RALY: variants seen among roughly 807,000 people sequenced by gnomAD.
The protein encoded by RALY is RNA-binding protein Raly.
Under a neutral mutation model 30.7 loss-of-function variants are expected in RALY, and 15 were observed. That is an observed-to-expected ratio of 0.49 (90% CI 0.33 to 0.75). The LOEUF (loss-of-function observed/expected upper bound fraction) is 0.75, where lower values mean the gene tolerates loss of function less well. Among genes scored for constraint, RALY ranks in the 30% least tolerant of loss-of-function variants. The pLI is 0.02. For missense variants in RALY, 339 were observed against 414.3 expected (o/e 0.82, Z 1.58); for synonymous variants, 177 against 170.8 (o/e 1.04, Z -0.28).
chr20:34,027,127 C>T (rs947912695), intron 1 of RALY, among the ~76,000 whole-genome samples: 1 of 152,100 alleles, frequency 6.6e-6, no homozygotes, highest in South Asian at 2.1e-4. Context: ...CCACATCCCC[C>T]GTTCAATGAT....
At position 34,041,881 on chromosome 20, in the gene RALY, G is replaced by A. The variant is rs2284383; in HGVS notation, c.-10+10277G>A. Among the ~76,000 whole-genome samples, 207 of 152,214 alleles carry A rather than the reference G, an allele frequency of 1.4e-3. 3 individuals carry two copies. In the East Asian group the frequency reaches 0.037, roughly 27 times the overall value. ...AGCACTTTGGGAGGCTGAGGCGGGTGGATCATTTGAGGTGAGGAGTTTGAG... is the reference window on the plus strand; with the variant it reads ...AGCACTTTGGGAGGCTGAGGCGGGTAGATCATTTGAGGTGAGGAGTTTGAG... On this transcript the variant is annotated intron_variant, in intron 2 of 9. Coordinates refer to ENST00000246194, the MANE Select transcript of RALY (RefSeq NM_016732.3).
At position 34,041,695 on chromosome 20, in the gene RALY, C is replaced by T. The variant is rs117152466; in HGVS notation, c.-10+10091C>T. ...GATATTTTTTGTTTCTGTATTTTCC[C>T]CAGGATCAATTGCCATAAAATCATG... On this transcript the variant is annotated intron_variant, in intron 2 of 9. Coordinates refer to ENST00000246194, the MANE Select transcript of RALY (RefSeq NM_016732.3). Among the ~76,000 whole-genome samples, 233 of 152,182 alleles carry T rather than the reference C, an allele frequency of 1.5e-3. 1 individual carries two copies. Among genetic ancestry groups the T allele is most frequent in the Middle Eastern group, 3.4e-3 (1 of 294 alleles).
chr20:34,055,185 A>C (rs1318039099), intron 2 of RALY, among the ~76,000 whole-genome samples: 1 of 152,124 alleles, frequency 6.6e-6, no homozygotes, highest in African/African-American at 2.4e-5. Context: ...TCCTAAAACA[A>C]CCCCAAAAAG....
At position 34,077,173 on chromosome 20, in the gene RALY, G is replaced by A. The variant is rs959905006; in HGVS notation, c.804G>A (p.Leu268=). ...AGAACACAACTTCTGAGGCAGGCCT[G>A]CCCCAGGGGGAAGCACGGACCCGAG... ...PQENTTSEAG[L]PQGEARTRDD... is the part of the protein sequence containing the mutation. Residue 268 remains leucine, a synonymous_variant, in exon 8 of 10, where the codon CTG becomes CTA. Coordinates refer to ENST00000246194, the MANE Select transcript of RALY (RefSeq NM_016732.3). 1.2e-6 allele frequency: 2 copies of A among 1,613,690 alleles called. No homozygotes were observed. The highest frequency in any genetic ancestry group is 1.7e-6 in the Non-Finnish European group (2 of 1,179,976).
At chr20:34,011,481 T>C (rs898731251) in intron 1 of RALY, among the ~76,000 whole-genome samples, 1 of 152,194 alleles carries the variant, frequency 6.6e-6, no homozygotes, top group African/African-American at 2.4e-5. Context: ...TGAGATAAAA[T>C]ACAGGTCTGA....
chr20:34,031,619 C>CT lies in RALY; in HGVS notation c.-10+16dup, dbSNP rs1421331372. On this transcript the variant is annotated intron_variant, in intron 2 of 9. Coordinates refer to ENST00000246194, the MANE Select transcript of RALY (RefSeq NM_016732.3). Reference sequence around the variant, plus strand: ...CATTGTTACTGGTGAGTGAGGTTGCCTGGGAAAGCTCTGGGCAAGCTTGGG... The same window carrying CT: ...CATTGTTACTGGTGAGTGAGGTTGCCTTGGGAAAGCTCTGGGCAAGCTTGGG... 5 of 152,192 alleles carry CT rather than the reference C, an allele frequency of 3.3e-5. No individual in the cohort carries two copies. Among genetic ancestry groups the CT allele is most frequent in the African/African-American group, 4.8e-5 (2 of 41,416 alleles). The allele number at this position is 152,192 out of a possible 1,614,324, so 9.4% of individuals were successfully genotyped here. A position where few individuals can be genotyped will look rare whatever the true frequency, so the allele number is the denominator to read the frequency against.
Position 34,077,209 on chromosome 20 carries a change from TGAGGAAGGGCTCCTGACACACAGC to T in RALY, c.848_871del (p.Gly283_Glu290del). On this transcript the variant is annotated inframe_deletion, in exon 8 of 10. Coordinates refer to ENST00000246194, the MANE Select transcript of RALY (RefSeq NM_016732.3). ...AAGCACGGACCCGAGACGACGGCGA[TGAGGAAGGGCTCCTGACACACAGC>T]GAGGAAGAGCTGGTGAGGGCCTGGC... 6.2e-7 allele frequency: 1 copy of T among 1,613,378 alleles called. No individual in the cohort carries two copies. The highest frequency in any genetic ancestry group is 8.5e-7 in the Non-Finnish European group (1 of 1,179,816).
chr20:34,075,445 C>G (rs6120508), intron 5 of RALY, among the ~76,000 whole-genome samples: 1,772 of 152,026 alleles, frequency 0.012, 37 homozygotes, highest in African/African-American at 0.041. Context: ...CAGTTGACCC[C>G]CACTCCCATA....
At chr20:34,014,604 GA>G (rs956451502) in intron 1 of RALY, among the ~76,000 whole-genome samples, 5 of 151,838 alleles carry the variant, frequency 3.3e-5, no homozygotes, top group South Asian at 2.1e-4. Flanking sequence ...ATCCCTCAGG[GA>G]AAAAAAATTC....
intron 1 of RALY, among the ~76,000 whole-genome samples, chr20:34,031,037 C>T (rs982763524): frequency 8.2e-6 from 1 of 122,690 alleles, no homozygotes; most frequent in African/African-American, 3.3e-5. Flanking sequence ...CCTCCCCTTC[C>T]CTCCCCTTCC....
At chr20:34,018,601 C>T (rs2031696334) in intron 1 of RALY, among the ~76,000 whole-genome samples, 1 of 152,170 alleles carries the variant, frequency 6.6e-6, no homozygotes, top group African/African-American at 2.4e-5. Flanking sequence ...ATGCTAAGTA[C>T]CCCTTGCCTG....
intron 8 of RALY, 121 bp from the exon 9 acceptor site, chr20:34,078,384 C>T: frequency 1.2e-6 from 1 of 842,222 alleles, no homozygotes; most frequent in Non-Finnish European, 1.7e-6. Context: ...GTTCCTGCGT[C>T]TTCTGACTGT....
intron 2 of RALY, among the ~76,000 whole-genome samples, chr20:34,058,878 A>T (rs2033335760): frequency 6.6e-6 from 1 of 152,212 alleles, no homozygotes; most frequent in Non-Finnish European, 1.5e-5. Flanking sequence ...TTGATTCTTT[A>T]TGGTGGGAAG....
intron 1 of RALY, among the ~76,000 whole-genome samples, chr20:34,006,957 T>C (rs1037990806): frequency 1.4e-4 from 21 of 152,232 alleles, no homozygotes; most frequent in Non-Finnish European, 7.3e-5. Context: ...GATTTTTCCA[T>C]GTTCTGGATT....
intron 2 of RALY, among the ~76,000 whole-genome samples, chr20:34,055,982 G>C (rs984716905): frequency 6.6e-6 from 1 of 152,160 alleles, no homozygotes; most frequent in African/African-American, 2.4e-5. Context: ...GCTCTGCTCA[G>C]GGGTTGGATT....
At position 34,081,235 on chromosome 20, in the gene RALY, C is replaced by G. The variant is rs2034025359; in HGVS notation, c.*1330C>G. 1 of 152,164 alleles carries G rather than the reference C, an allele frequency of 6.6e-6. No homozygotes were observed. The highest frequency in any genetic ancestry group is 1.5e-5 in the Non-Finnish European group (1 of 68,070). The allele number at this position is 152,164 out of a possible 1,614,324, so 9.4% of individuals were successfully genotyped here. ...GAACTGCGGGATTCATATGTGGCCA[C>G]TTAGGCTGGTCTCGTTGGTATGGAG... is the stretch of plus-strand genomic sequence containing the variant. On this transcript the variant is annotated 3_prime_UTR_variant, in exon 10 of 10. Transcript: ENST00000246194.
intron 2 of RALY, among the ~76,000 whole-genome samples, chr20:34,068,733 A>T (rs1167274342): frequency 5.3e-5 from 8 of 152,128 alleles, no homozygotes; most frequent in Admixed American, 5.2e-4. Flanking sequence ...CTGTACTTGA[A>T]CCTGGCAGTT....
At chr20:33,999,253 G>T (rs980897501) in intron 1 of RALY, among the ~76,000 whole-genome samples, 3 of 152,134 alleles carry the variant, frequency 2.0e-5, no homozygotes, top group Non-Finnish European at 4.4e-5. Flanking sequence ...GTAAATGGGT[G>T]CTGTTTATTG....
chr20:33,999,325 T>C (rs539615049), intron 1 of RALY, among the ~76,000 whole-genome samples: 4 of 152,004 alleles, frequency 2.6e-5, no homozygotes, highest in East Asian at 3.9e-4. Flanking sequence ...TTATGCAGGG[T>C]CTCCTTACAT....
Sources: gnomAD v4.1 joint callset for allele counts (sites outside exome capture counted in the v4.1 genomes callset) on GRCh38, gnomAD v4.1.1 for gene constraint, MANE v1.5 for transcripts, NCBI Gene and HGNC (gene_info 2026-07-23, HGNC 2026-07-21) for gene names.